CNN2: variants seen among roughly 807,000 people sequenced by gnomAD.
The protein encoded by CNN2 is calponin 2.
In CNN2, 21 loss-of-function variants were observed where a neutral mutation model predicts 31.0. The ratio of observed to expected loss-of-function variants is 0.68; its 90% CI spans 0.48 to 0.98. The LOEUF (loss-of-function observed/expected upper bound fraction) is 0.98. CNN2 is among the 50% of genes least tolerant of loss of function. The pLI is 0.00. For missense variants in CNN2, 399 were observed against 427.3 expected, an observed-to-expected ratio of 0.93 and a Z score of 0.58; for synonymous variants, 165 against 179.6, an observed-to-expected ratio of 0.92 and a Z score of 0.65.
At chr19:1,028,298 G>T (rs144928319) in intron 1 of CNN2, among the ~76,000 whole-genome samples, 7,089 of 152,098 alleles carry the variant, frequency 0.047, 261 homozygotes, top group Non-Finnish European at 0.075. Flanking sequence ...CCTGGCGGGG[G>T]TGAGGACAGA....
Sources: gnomAD v4.1 joint callset for allele counts (sites outside exome capture counted in the v4.1 genomes callset) on GRCh38, gnomAD v4.1.1 for gene constraint, MANE v1.5 for transcripts, NCBI Gene and HGNC (gene_info 2026-07-23, HGNC 2026-07-21) for gene names.